Variants in DEPDC1B observed in about 807,000 individuals in gnomAD.
The protein encoded by DEPDC1B is DEP domain containing 1B.
In DEPDC1B, 51 loss-of-function variants were observed where a neutral mutation model predicts 66.5. The observed-to-expected ratio is 0.77, with a 90% CI of 0.61 to 0.97. DEPDC1B has a LOEUF of 0.97. Ranked by LOEUF, DEPDC1B falls within the 50% of genes least tolerant of loss-of-function variation. The pLI is 0.00. For missense variants in DEPDC1B, 552 were observed against 637.1 expected, an observed-to-expected ratio of 0.87 and a Z score of 1.44; for synonymous variants, 226 against 223.6, an observed-to-expected ratio of 1.01 and a Z score of -0.10.
chr5:60,695,127 G>A (rs1197945561), intron 1 of DEPDC1B, among the ~76,000 whole-genome samples: 2 of 152,048 alleles, frequency 1.3e-5, no homozygotes, highest in Non-Finnish European at 1.5e-5. Flanking sequence ...TGGGAGGCAG[G>A]GGATCTCTAT....
chr5:60,617,888 G>A (rs1752599256), intron 7 of DEPDC1B, among the ~76,000 whole-genome samples: 1 of 152,314 alleles, frequency 6.6e-6, no homozygotes, highest in Non-Finnish European at 1.5e-5. Flanking sequence ...ATAGTTGGAA[G>A]TAAAGCACTC....
intron 2 of DEPDC1B, among the ~76,000 whole-genome samples, chr5:60,685,777 G>A (rs1754398443): frequency 6.6e-6 from 1 of 152,170 alleles, no homozygotes; most frequent in Non-Finnish European, 1.5e-5. Context: ...TCCCAATAAA[G>A]TATGGCATGT....
chr5:60,700,161 T>G lies in DEPDC1B; in HGVS notation c.-68A>C. On this transcript the variant is annotated 5_prime_UTR_variant, in exon 1 of 11. Transcript: ENST00000265036. ...CCCGCCAGCCGGAGGAGCAGCAGTT[T>G]GAATCCCAAGCCCGCGGGCTGCGGG... 6.7e-7 allele frequency: 1 copy of G among 1,496,052 alleles called. No homozygotes were observed. The highest frequency in any genetic ancestry group is 1.4e-5 in the African/African-American group (1 of 69,978). 92.7% of individuals were successfully genotyped at this position (1,496,052 alleles called of 1,614,324 possible). A position where few individuals can be genotyped will look rare whatever the true frequency, so the allele number is the denominator to read the frequency against.
chr5:60,599,043 G>GA (rs778923461), intron 10 of DEPDC1B, 32 bp downstream of exon 10: 225 of 1,529,304 alleles, frequency 1.5e-4, no homozygotes, highest in Middle Eastern at 6.1e-4. Flanking sequence ...GTAGGGAGGA[G>GA]AAAAAATGGC....
chr5:60,684,194 T>C (rs1475147180), intron 2 of DEPDC1B, among the ~76,000 whole-genome samples: 1 of 152,134 alleles, frequency 6.6e-6, no homozygotes, highest in Non-Finnish European at 1.5e-5. Context: ...ATCTACAGAT[T>C]CAACGCAGTC....
Position 60,667,910 on chromosome 5 carries a change from T to TTAAAAA in DEPDC1B, c.314+19051_314+19052insTTTTTA, listed in dbSNP as rs879464831. Among the ~76,000 whole-genome samples, 79 of 91,790 alleles carry TTAAAAA rather than the reference T, an allele frequency of 8.6e-4. 21 individuals carry two copies. Among genetic ancestry groups the TTAAAAA allele is most frequent in the African/African-American group, 2.8e-3 (78 of 27,970 alleles). The allele number at this position is 91,790 out of a possible 152,430, so 60.2% of individuals were successfully genotyped here. The stretch of plus-strand genomic sequence containing the variant: ...ATGTAAAAAATGGATATTTTATATA[T>TTAAAAA]ATAAAAAATGGATATTTTATATATA... On this transcript the variant is annotated intron_variant, in intron 2 of 10. Transcript: ENST00000265036.
intron 3 of DEPDC1B, 60 bp from the exon 4 acceptor site, chr5:60,645,679 A>T: frequency 6.6e-7 from 1 of 1,506,314 alleles, no homozygotes; most frequent in South Asian, 1.3e-5. Flanking sequence ...ACAGTGAATA[A>T]ATATTTCAAT....
chr5:60,662,423 A>C (rs1265289602), intron 2 of DEPDC1B, among the ~76,000 whole-genome samples: 2 of 152,058 alleles, frequency 1.3e-5, no homozygotes, highest in African/African-American at 2.4e-5. Context: ...CCGTAGGCCC[A>C]GAGCAAAACT....
intron 2 of DEPDC1B, among the ~76,000 whole-genome samples, chr5:60,677,930 T>C (rs1754208453): frequency 6.6e-6 from 1 of 152,178 alleles, no homozygotes; most frequent in Non-Finnish European, 1.5e-5. Flanking sequence ...AGTAGTCCAT[T>C]AATTTAAAGG....
Position 60,597,735 on chromosome 5 carries a change from G to C in DEPDC1B, c.*18C>G, listed in dbSNP as rs770577370. The C allele has an allele frequency of 6.2e-7, 1 of 1,609,398 alleles. No homozygotes were observed. The highest frequency in any genetic ancestry group is 8.5e-7 in the Non-Finnish European group (1 of 1,178,630). On this transcript the variant is annotated 3_prime_UTR_variant, in exon 11 of 11. Coordinates refer to ENST00000265036, the MANE Select transcript of DEPDC1B (RefSeq NM_018369.3). Reference sequence around the variant, plus strand: ...ACAACAACAGTGGTCTCTAGCACCTGTTGCTGTGGAAGTATTATTACATTC... The same window carrying C: ...ACAACAACAGTGGTCTCTAGCACCTCTTGCTGTGGAAGTATTATTACATTC...
chr5:60,698,457 C>T (rs571960097), intron 1 of DEPDC1B, among the ~76,000 whole-genome samples: 2 of 152,348 alleles, frequency 1.3e-5, no homozygotes, highest in East Asian at 3.9e-4. Flanking sequence ...TTAGAGATAT[C>T]TGGCCCAGGT....
At chr5:60,603,270 G>C in intron 9 of DEPDC1B, 121 bp downstream of exon 9, 6 of 900,724 alleles carry the variant, frequency 6.7e-6, no homozygotes, top group Non-Finnish European at 6.2e-6. Context: ...AAGACCTGTT[G>C]TAAGTACTTT....
intron 2 of DEPDC1B, among the ~76,000 whole-genome samples, chr5:60,676,165 C>G (rs978227120): frequency 1.3e-5 from 2 of 151,570 alleles, no homozygotes; most frequent in African/African-American, 2.4e-5. Flanking sequence ...CTCCTGACCT[C>G]GTGATCTGCC....
chr5:60,638,937 C>G (rs1336536653), intron 6 of DEPDC1B, 47 bp from the exon 7 acceptor site: 2 of 1,589,172 alleles, frequency 1.3e-6, no homozygotes, highest in East Asian at 4.5e-5. Context: ...GGAGTAATTA[C>G]CTCTAAGTAT....
intron 2 of DEPDC1B, among the ~76,000 whole-genome samples, chr5:60,674,704 C>G (rs570872877): frequency 1.1e-4 from 16 of 152,302 alleles, no homozygotes; most frequent in African/African-American, 3.8e-4. Flanking sequence ...CCCAGTCTTG[C>G]TCACTCTACA....
rs573982696 is a variant in DEPDC1B, at chr5:60,638,540, G to T, written c.898+210C>A. Among the ~76,000 whole-genome samples the T allele has an allele frequency of 2.0e-5, 3 of 152,184 alleles. No individual in the cohort carries two copies. In the East Asian group the frequency reaches 5.8e-4, roughly 29 times the overall value. ...CTTTCTTAAGAAACAAAAACTACTG[G>T]TCCTTGCTTTGAGTTTCTTAATAGA... On this transcript the variant is annotated intron_variant, in intron 7 of 10. Coordinates refer to ENST00000265036, the MANE Select transcript of DEPDC1B (RefSeq NM_018369.3).
intron 1 of DEPDC1B, among the ~76,000 whole-genome samples, chr5:60,688,392 T>G (rs1411390875): frequency 1.3e-5 from 2 of 152,118 alleles, no homozygotes; most frequent in African/African-American, 4.8e-5. Flanking sequence ...CAAACACTGC[T>G]GGGTTGAGAG....
intron 2 of DEPDC1B, among the ~76,000 whole-genome samples, chr5:60,676,698 G>C (rs1754169854): frequency 6.6e-6 from 1 of 151,908 alleles, no homozygotes; most frequent in South Asian, 2.1e-4. Flanking sequence ...ATCCTGCACT[G>C]TTTAGCCGAC....
intron 2 of DEPDC1B, among the ~76,000 whole-genome samples, chr5:60,677,031 T>A (rs1754177922): frequency 6.6e-6 from 1 of 152,130 alleles, no homozygotes; most frequent in African/African-American, 2.4e-5. Context: ...GAGGGATATG[T>A]GAGGAAGGCT....
Sources: gnomAD v4.1 joint callset for allele counts (sites outside exome capture counted in the v4.1 genomes callset) on GRCh38, gnomAD v4.1.1 for gene constraint, MANE v1.5 for transcripts, NCBI Gene and HGNC (gene_info 2026-07-23, HGNC 2026-07-21) for gene names.